ARHGEF16: variants seen among roughly 807,000 people sequenced by gnomAD.
ARHGEF16 encodes the protein Rho guanine exchange factor (GEF) 16.
In ARHGEF16, 59 loss-of-function variants were observed where a neutral mutation model predicts 74.1. The ratio of observed to expected loss-of-function variants is 0.80; its 90% CI spans 0.65 to 0.99. The LOEUF is 0.99. Ranked by LOEUF, ARHGEF16 falls within the 50% of genes least tolerant of loss-of-function variation. ARHGEF16 has a pLI of 0.00. For missense variants in ARHGEF16, 948 were observed against 986.6 expected (o/e 0.96, Z 0.52); for synonymous variants, 415 against 412.6 (o/e 1.01, Z -0.07).
At chr1:3,478,646 C>T in intron 12 of ARHGEF16, 34 bp downstream of exon 12, 2 of 1,575,678 alleles carry the variant, frequency 1.3e-6, no homozygotes, top group Non-Finnish European at 1.7e-6. Context: ...GTTCCCAGGC[C>T]ACAGGCACAT....
chr1:3,466,612 G>A (rs1184593357), intron 3 of ARHGEF16, among the ~76,000 whole-genome samples: 1 of 152,224 alleles, frequency 6.6e-6, no homozygotes, highest in Non-Finnish European at 1.5e-5. Flanking sequence ...GGGTGGCGGT[G>A]GTGCACACTC....
chr1:3,478,791 T>G (rs1639971286), intron 12 of ARHGEF16, among the ~76,000 whole-genome samples, 179 bp downstream of exon 12: 1 of 151,334 alleles, frequency 6.6e-6, no homozygotes, highest in African/African-American at 2.4e-5. Flanking sequence ...CTTGTCCTCA[T>G]GGAGTTTATG....
intron 12 of ARHGEF16, among the ~76,000 whole-genome samples, 180 bp from the exon 13 acceptor site, chr1:3,479,337 C>G (rs546063797): frequency 1.1e-4 from 16 of 152,146 alleles, no homozygotes; most frequent in African/African-American, 3.6e-4. Context: ...AACTCTGTGA[C>G]CTGGGGCTGG....
At chr1:3,478,826 G>T (rs894885556) in intron 12 of ARHGEF16, among the ~76,000 whole-genome samples, 1 of 152,118 alleles carries the variant, frequency 6.6e-6, no homozygotes, top group African/African-American at 2.4e-5. Flanking sequence ...CGCACCAACA[G>T]TTGGGCCACC....
At chr1:3,462,435 A>T (rs1639423144) in intron 1 of ARHGEF16, among the ~76,000 whole-genome samples, 1 of 152,186 alleles carries the variant, frequency 6.6e-6, no homozygotes, top group East Asian at 1.9e-4. Flanking sequence ...GGCCGGGAGC[A>T]TGTGGGCAAA....
chr1:3,466,300 C>T lies in ARHGEF16; in HGVS notation c.634+107C>T. 2.4e-6 allele frequency: 3 copies of T among 1,228,516 alleles called. No homozygotes were observed. The South Asian group carries it at 4.4e-5, about 18-fold the overall frequency. 76.1% of individuals were successfully genotyped at this position (1,228,516 alleles called of 1,614,324 possible). A position where few individuals can be genotyped will look rare whatever the true frequency, so the allele number is the denominator to read the frequency against. On this transcript the variant is annotated intron_variant, in intron 3 of 14. Coordinates refer to ENST00000378378, the MANE Select transcript of ARHGEF16 (RefSeq NM_014448.4). ...CCTCAGTTTGGTGTCTCGGGGTCAC[C>T]AAAGCTGCTTGACAGGGTCCTTCCA...
At chr1:3,464,183 G>C (rs1010576017) in intron 2 of ARHGEF16, among the ~76,000 whole-genome samples, 1 of 152,256 alleles carries the variant, frequency 6.6e-6, no homozygotes, top group African/African-American at 2.4e-5. Flanking sequence ...CTGCCTGCTG[G>C]TGGTGGCTCT....
intron 9 of ARHGEF16, 138 bp from the exon 10 acceptor site, chr1:3,475,832 G>A (rs1325382390): frequency 3.6e-5 from 26 of 724,038 alleles, no homozygotes; most frequent in African/African-American, 7.2e-5. Flanking sequence ...TGATGAGCCC[G>A]TGGCACGGCT....
At chr1:3,469,678 CCCCTGGGAGCCTGCGCTG>C in intron 6 of ARHGEF16, 85 bp downstream of exon 6, 1 of 1,535,254 alleles carries the variant, frequency 6.5e-7, no homozygotes, top group Non-Finnish European at 8.9e-7. Flanking sequence ...CATCAGCAGG[CCCCTGGGAGCCTGCGCTG>C]CACCTTGATG....
rs1286188857 is a variant in ARHGEF16 at position 3,463,597 on chromosome 1, C to T, written c.513C>T (p.Ile171=). ...AGCCAGGTGGCCAGGGAGATGCCAT[C>T]CAGCTAAGCCCTAAGCTCCAGGCTC... ...LGKPGGQGDA[I]QLSPKLQALA... Residue 171 remains isoleucine (I), a synonymous_variant, in exon 2 of 15, where the codon ATC becomes ATT. Coordinates refer to ENST00000378378, the MANE Select transcript of ARHGEF16 (RefSeq NM_014448.4). 6.9e-6 allele frequency: 10 copies of T among 1,446,448 alleles called. No individual in the cohort carries two copies. The highest frequency in any genetic ancestry group is 9.1e-6 in the Non-Finnish European group (10 of 1,096,112). 89.6% of individuals were successfully genotyped at this position (1,446,448 alleles called of 1,614,324 possible).
chr1:3,477,829 C>A (rs1569879300), intron 10 of ARHGEF16, 46 bp from the exon 11 acceptor site: 2 of 1,600,732 alleles, frequency 1.2e-6, no homozygotes, highest in Non-Finnish European at 1.7e-6. Context: ...CTCTGTCCCC[C>A]CCAGTCCCTC....
At chr1:3,468,327 G>T (rs1424743038) in intron 4 of ARHGEF16, among the ~76,000 whole-genome samples, 1 of 152,212 alleles carries the variant, frequency 6.6e-6, no homozygotes, top group East Asian at 1.9e-4. Flanking sequence ...TCCTGCAGAG[G>T]GGACCCCTGG....
chr1:3,466,218 G>A lies in ARHGEF16; in HGVS notation c.634+25G>A, dbSNP rs181303055. ...GGTGAGTGTGGCTTCGGGAGGCACC[G>A]CGGGCTGGGCTCCAGTTGAAACTGG... On this transcript the variant is annotated intron_variant, in intron 3 of 14. Coordinates refer to ENST00000378378, the MANE Select transcript of ARHGEF16 (RefSeq NM_014448.4). The A allele has an allele frequency of 1.3e-3, 2,068 of 1,532,136 alleles. 6 individuals are homozygous for A. Among genetic ancestry groups the A allele is most frequent in the Middle Eastern group, 4.7e-3 (28 of 5,922 alleles). The allele number at this position is 1,532,136 out of a possible 1,614,324, so 94.9% of individuals were successfully genotyped here.
At position 3,467,200 on chromosome 1, in the gene ARHGEF16, G is replaced by T. The variant is rs1212142826; in HGVS notation, c.667G>T (p.Gly223Cys). 2 of 1,550,646 alleles carry T rather than the reference G, an allele frequency of 1.3e-6. No individual in the cohort carries two copies. The highest frequency in any genetic ancestry group is 1.7e-6 in the Non-Finnish European group (2 of 1,146,862). ...GCTCTACCAGGAGATCCAGGAGCGG[G>T]GCCTGAACACCAGCCAGGAGTCTGA... ...PQLYQEIQER[G>C]LNTSQESDDD... Residue 223 changes from glycine (G) to cysteine (C), a missense_variant, in exon 4 of 15, where the codon GGC (glycine) becomes TGC (cysteine). Physicochemically the swap from Gly to Cys is radical, Grantham distance 159. Coordinates refer to ENST00000378378, the MANE Select transcript of ARHGEF16 (RefSeq NM_014448.4).
chr1:3,474,830 C>A, intron 9 of ARHGEF16, 48 bp downstream of exon 9: 5 of 1,560,318 alleles, frequency 3.2e-6, no homozygotes, highest in Non-Finnish European at 4.4e-6. Context: ...GTACCCCGAC[C>A]CTGTCCCCAC....
chr1:3,469,649 C>A (rs958881524), intron 6 of ARHGEF16, 56 bp downstream of exon 6: 4 of 1,597,758 alleles, frequency 2.5e-6, no homozygotes, highest in Admixed American at 1.7e-5. Context: ...GGTGCCTCCC[C>A]CCGTGGGCAC....
At chr1:3,455,702 A>T (rs1199928938) in intron 1 of ARHGEF16, among the ~76,000 whole-genome samples, 1 of 152,150 alleles carries the variant, frequency 6.6e-6, no homozygotes, top group Non-Finnish European at 1.5e-5. Context: ...CTGGGGGTCC[A>T]GCAAGAGGGT....
At chr1:3,479,413 CCA>C (rs1639992724) in intron 12 of ARHGEF16, 102 bp from the exon 13 acceptor site, 6 of 1,143,686 alleles carry the variant, frequency 5.2e-6, no homozygotes, top group Non-Finnish European at 7.6e-6. Context: ...CCCACCACCC[CCA>C]TCTCCTTGCC....
intron 1 of ARHGEF16, among the ~76,000 whole-genome samples, chr1:3,461,938 G>A (rs1639407013): frequency 6.6e-6 from 1 of 152,224 alleles, no homozygotes; most frequent in Admixed American, 6.5e-5. Context: ...ATTCCCAAGG[G>A]GCAGAAGGGC....
Sources: allele counts gnomAD v4.1 joint callset (sites outside exome capture counted in the v4.1 genomes callset), GRCh38; gene constraint gnomAD v4.1.1; transcripts MANE v1.5; gene names NCBI Gene and HGNC (gene_info 2026-07-23, HGNC 2026-07-21).